TUBGCP3: variants seen among roughly 807,000 people sequenced by gnomAD.
TUBGCP3 encodes the protein gamma-tubulin complex component 3.
Under a neutral mutation model 123.1 loss-of-function variants are expected in TUBGCP3, and 50 were observed. The ratio of observed to expected loss-of-function variants is 0.41; its 90% CI spans 0.32 to 0.51. The LOEUF is 0.51. TUBGCP3 is among the 20% of genes least tolerant of loss of function. The pLI is 0.36. For synonymous variants in TUBGCP3, 405 were observed against 413.9 expected, an observed-to-expected ratio of 0.98 and a Z score of 0.26; for missense variants, 882 against 1,127.0, an observed-to-expected ratio of 0.78 and a Z score of 3.11.
rs745487024 is a variant in TUBGCP3, at chr13:112,547,552, CGTGGG to C, written c.1168+63_1168+67del. On this transcript the variant is annotated intron_variant, in intron 10 of 21. Transcript: ENST00000261965. ...GAAAGACGTGCATGGGAAAGTCGCGCGTGGGAAAGTCGCGCGTGGGAAAGTCGCGC... is the reference window on the plus strand; with the variant it reads ...GAAAGACGTGCATGGGAAAGTCGCGCAAAGTCGCGCGTGGGAAAGTCGCGC... The C allele has an allele frequency of 3.8e-3, 3,271 of 868,368 alleles. 92 individuals are homozygous for C. In the African/African-American group the frequency reaches 0.1, roughly 27 times the overall value. The allele number at this position is 868,368 out of a possible 1,614,324, so 53.8% of individuals were successfully genotyped here.
At position 112,499,056 on chromosome 13, in the gene TUBGCP3, G is replaced by A. The variant is rs912083186; in HGVS notation, c.2437C>T (p.Arg813Cys). 6.2e-6 allele frequency: 10 copies of A among 1,613,938 alleles called. No homozygotes were observed. Among genetic ancestry groups the A allele is most frequent in the East Asian group, 2.2e-5 (1 of 44,890 alleles). ...RLQFEEKKKQREIEGQWGVTA... is the reference protein window; with the variant it reads ...RLQFEEKKKQCEIEGQWGVTA... ...TGTAAAGACCATACCTCAATTTCAC[G>A]CTGTTTCTTTTTCTCTTCAAACTGT... The change falls in exon 20 of 22, where the codon CGT becomes TGT. Residue 813 changes from arginine to cysteine, a missense_variant. Arg to Cys is a radical substitution (Grantham distance 180, BLOSUM62 -3). Coordinates refer to ENST00000261965, the MANE Select transcript of TUBGCP3 (RefSeq NM_006322.6).
chr13:112,527,075 T>A (rs1877196410), intron 12 of TUBGCP3, 25 bp from the exon 13 acceptor site: 2 of 1,566,356 alleles, frequency 1.3e-6, no homozygotes, highest in African/African-American at 2.7e-5. Flanking sequence ...ATTCTATGAT[T>A]ACTTTTATGT....
At chr13:112,495,672 G>A (rs563813076) in intron 20 of TUBGCP3, among the ~76,000 whole-genome samples, 4 of 152,248 alleles carry the variant, frequency 2.6e-5, no homozygotes, top group South Asian at 2.1e-4. Flanking sequence ...CCCAATCCAC[G>A]TTTACAAGGG....
At chr13:112,585,549 GATCACT>G (rs1427033317) in intron 1 of TUBGCP3, among the ~76,000 whole-genome samples, 10 of 152,062 alleles carry the variant, frequency 6.6e-5, no homozygotes, top group Non-Finnish European at 2.9e-5. Flanking sequence ...GTGGGGTGCA[GATCACT>G]TGAGGTCAGG....
At chr13:112,555,536 C>G (rs1362890908) in intron 6 of TUBGCP3, among the ~76,000 whole-genome samples, 2 of 152,206 alleles carry the variant, frequency 1.3e-5, no homozygotes, top group Non-Finnish European at 1.5e-5. Context: ...CTTTTGGAAT[C>G]TAGCAGGGCT....
At chr13:112,599,345 G>T in the TUBGCP3 span, among the ~76,000 whole-genome samples, 1 of 152,102 alleles carries the variant, frequency 6.6e-6, no homozygotes, top group Non-Finnish European at 1.5e-5. Context: ...ACTTCCCTAC[G>T]GATAGAATCT....
At chr13:112,555,901 C>A (rs1273028650) in intron 6 of TUBGCP3, 151 bp downstream of exon 6, 19 of 853,750 alleles carry the variant, frequency 2.2e-5, no homozygotes, top group Admixed American at 3.2e-5. Flanking sequence ...CAAGGCGCCG[C>A]AGACCACCAG....
At chr13:112,541,541 CAAAA>C (rs57599177) in intron 11 of TUBGCP3, among the ~76,000 whole-genome samples, 1 of 102,796 alleles carries the variant, frequency 9.7e-6, no homozygotes, top group Non-Finnish European at 2.2e-5. Context: ...GACTCCGTCT[CAAAA>C]AAAAAAAAAA....
At position 112,554,052 on chromosome 13, in the gene TUBGCP3, C is replaced by A. The variant is rs1487146440; in HGVS notation, c.966+5G>T. 2 of 1,608,806 alleles carry A rather than the reference C, an allele frequency of 1.2e-6. No individual in the cohort carries two copies. The highest frequency in any genetic ancestry group is 1.7e-6 in the Non-Finnish European group (2 of 1,178,614). ...ATCCCAGCATCCTAGGAACCATGAA[C>A]GCACCTGCCCGACGAGTCCGAATGA... On this transcript the variant is annotated splice_donor_5th_base_variant and intron_variant, in intron 8 of 21. Coordinates refer to ENST00000261965, the MANE Select transcript of TUBGCP3 (RefSeq NM_006322.6).
intron 20 of TUBGCP3, among the ~76,000 whole-genome samples, chr13:112,492,668 G>C (rs954985543): frequency 6.6e-6 from 1 of 151,848 alleles, no homozygotes; most frequent in Non-Finnish European, 1.5e-5. Context: ...AGATGCTCTG[G>C]CTATGGGAAC....
intron 17 of TUBGCP3, among the ~76,000 whole-genome samples, chr13:112,505,031 A>T (rs1201450136): frequency 2.0e-5 from 3 of 152,226 alleles, no homozygotes; most frequent in Non-Finnish European, 4.4e-5. Flanking sequence ...TGCACTGAAT[A>T]AATAGAAGCT....
intron 1 of TUBGCP3, among the ~76,000 whole-genome samples, chr13:112,572,386 C>G (rs1881475224): frequency 1.3e-5 from 2 of 152,112 alleles, no homozygotes; most frequent in Non-Finnish European, 2.9e-5. Flanking sequence ...GTTTGCGGCA[C>G]CTAATGACCC....
At chr13:112,572,329 G>C (rs1218498779) in intron 1 of TUBGCP3, among the ~76,000 whole-genome samples, 8 of 152,134 alleles carry the variant, frequency 5.3e-5, no homozygotes, top group Admixed American at 5.2e-4. Context: ...TGTTACACAG[G>C]TACACGTGTG....
chr13:112,538,133 T>C (rs1029917220), intron 11 of TUBGCP3, among the ~76,000 whole-genome samples: 1 of 152,184 alleles, frequency 6.6e-6, no homozygotes, highest in Non-Finnish European at 1.5e-5. Flanking sequence ...CTCTACAGTT[T>C]GGTTATATAG....
In TUBGCP3 at chr13:112,539,393, G is replaced by A. The variant is rs1004653375; in HGVS notation, c.1335+6306C>T. ...CAGATGAGTTACAATGAGATAAACC[G>A]GTAGGTGGTATATGCCCACTGGTAT... On this transcript the variant is annotated intron_variant, in intron 11 of 21. Coordinates refer to ENST00000261965, the MANE Select transcript of TUBGCP3 (RefSeq NM_006322.6). Among the ~76,000 whole-genome samples the A allele has an allele frequency of 9.9e-5, 15 of 152,198 alleles. No homozygotes were observed. In the South Asian group the frequency reaches 1.5e-3, roughly 15 times the overall value.
chr13:112,505,448 C>T (rs1287822635), intron 17 of TUBGCP3, among the ~76,000 whole-genome samples: 2 of 152,206 alleles, frequency 1.3e-5, no homozygotes, highest in African/African-American at 2.4e-5. Context: ...TGAGTTACCT[C>T]GATAACGAGA....
intron 19 of TUBGCP3, among the ~76,000 whole-genome samples, chr13:112,500,858 G>T (rs773164170): frequency 2.0e-5 from 3 of 152,206 alleles, no homozygotes; most frequent in African/African-American, 7.2e-5. Flanking sequence ...AAAGCATGGC[G>T]ATGCTTCGGT....
chr13:112,589,940 G>A (rs751972823), upstream of TUBGCP3, among the ~76,000 whole-genome samples: 2 of 152,032 alleles, frequency 1.3e-5, no homozygotes, highest in Non-Finnish European at 2.9e-5. Flanking sequence ...ACTGATGTAC[G>A]GTTTGACCAA....
intron 8 of TUBGCP3, among the ~76,000 whole-genome samples, chr13:112,549,210 T>C (rs1043874025): frequency 6.6e-6 from 1 of 152,000 alleles, no homozygotes; most frequent in Non-Finnish European, 1.5e-5. Context: ...CTGGAAACCA[T>C]CATTCTGAGC....
Sources: gnomAD v4.1 joint callset for allele counts (sites outside exome capture counted in the v4.1 genomes callset) on GRCh38, gnomAD v4.1.1 for gene constraint, MANE v1.5 for transcripts, NCBI Gene and HGNC (gene_info 2026-07-23, HGNC 2026-07-21) for gene names.